FMR1NB: variants seen among roughly 807,000 people sequenced by gnomAD.
FMR1NB encodes FMR1 neighbor protein.
Under a neutral mutation model 16.8 loss-of-function variants are expected in FMR1NB, and 10 were observed. The observed-to-expected ratio is 0.60, with a 90% CI of 0.37 to 1.01. The LOEUF is 1.01. Ranked by LOEUF, FMR1NB falls within the 50% of genes least tolerant of loss-of-function variation. The pLI, the probability that FMR1NB is intolerant of heterozygous loss-of-function variation, is 0.01. For synonymous variants in FMR1NB, 83 were observed against 79.1 expected, an observed-to-expected ratio of 1.05 and a Z score of -0.26; for missense variants, 205 against 204.8, an observed-to-expected ratio of 1.00 and a Z score of 0.00.
intron 1 of FMR1NB, among the ~76,000 whole-genome samples, chrX:147,999,857 G>A (rs1487592051): frequency 9.0e-6 from 1 of 111,712 alleles, no homozygotes; most frequent in Non-Finnish European, 1.9e-5. Context: ...ATATAGTGAA[G>A]ATAAAATTGT....
At position 147,981,338 on chromosome X, in the gene FMR1NB, T is replaced by G; in HGVS notation, c.-65T>G. ...GGCCACGGACTGCCCCGGAAGCTTC[T>G]GGGCCACGGACTGCCGGACCGTTGG... On this transcript the variant is annotated 5_prime_UTR_variant, in exon 1 of 6. Coordinates refer to ENST00000370467, the MANE Select transcript of FMR1NB (RefSeq NM_152578.3). The G allele has an allele frequency of 8.7e-7, 1 of 1,149,074 alleles. No individual in the cohort carries two copies. 94.7% of individuals were successfully genotyped at this position (1,149,074 alleles called of 1,213,427 possible).
rs1467008531 is a variant in FMR1NB at position 148,024,805 on chromosome X, C to T, written c.633-60C>T. The T allele has an allele frequency of 2.8e-5, 33 of 1,163,037 alleles. No individual in the cohort carries two copies. The Admixed American group carries it at 4.7e-4, about 17-fold the overall frequency. ...CAAATATTTTTTTCCTTATAACCCTCCCATTGTTATTCTATCACTAATGAG... is the reference window on the plus strand; with the variant it reads ...CAAATATTTTTTTCCTTATAACCCTTCCATTGTTATTCTATCACTAATGAG... On this transcript the variant is annotated intron_variant, in intron 4 of 5. Coordinates refer to ENST00000370467, the MANE Select transcript of FMR1NB (RefSeq NM_152578.3).
intron 1 of FMR1NB, 47 bp downstream of exon 1, chrX:147,981,726 G>T: frequency 1.0e-6 from 1 of 1,002,693 alleles, no homozygotes. Context: ...GGGAGGGGGA[G>T]GGGGAGGGAG....
chrX:148,014,727 C>T (rs1426695556), intron 4 of FMR1NB, among the ~76,000 whole-genome samples: 2 of 111,586 alleles, frequency 1.8e-5, no homozygotes, highest in Admixed American at 9.5e-5. Flanking sequence ...TTACTGCAGC[C>T]TCGACTTCCC....
chrX:148,009,831 C>T (rs1160157320), intron 4 of FMR1NB, among the ~76,000 whole-genome samples: 1 of 112,235 alleles, frequency 8.9e-6, no homozygotes, highest in Non-Finnish European at 1.9e-5. Flanking sequence ...AGACTATATA[C>T]ACTGCCTTAC....
In FMR1NB at chrX:148,003,219, T is replaced by C. The variant is rs782816671; in HGVS notation, c.296T>C (p.Leu99Pro). Residue 99 changes from leucine to proline, a missense_variant, in exon 2 of 6, where the codon CTT (leucine) becomes CCT (proline). Leu to Pro is a moderately conservative substitution (Grantham distance 98). Coordinates refer to ENST00000370467, the MANE Select transcript of FMR1NB (RefSeq NM_152578.3). ...YLCSGSSYFV[L>P]ANGHILPNSE... ...TCTTAAGGGTCCTCATATTTTGTGC[T>C]TGCAAATGGACATATCCTGCCCAAC... The C allele has an allele frequency of 8.3e-7, 1 of 1,209,435 alleles. No individual in the cohort carries two copies. Among genetic ancestry groups the C allele is most frequent in the South Asian group, 1.8e-5 (1 of 56,493 alleles).
chrX:148,014,778 A>G (rs888623590), intron 4 of FMR1NB, among the ~76,000 whole-genome samples: 38 of 110,566 alleles, frequency 3.4e-4, no homozygotes, highest in African/African-American at 1.1e-3. Flanking sequence ...CCGAGTACCC[A>G]GGACCACAGG....
At chrX:148,016,564 G>A (rs1455563596) in intron 4 of FMR1NB, among the ~76,000 whole-genome samples, 2 of 111,442 alleles carry the variant, frequency 1.8e-5, no homozygotes, top group Non-Finnish European at 3.8e-5. Context: ...TCTAGTGAAG[G>A]TGACTTTCTC....
chrX:147,991,848 TTGG>T (rs2044507182), intron 1 of FMR1NB, among the ~76,000 whole-genome samples: 1 of 105,705 alleles, frequency 9.5e-6, no homozygotes, highest in Non-Finnish European at 1.9e-5. Flanking sequence ...AGATTAGGGA[TTGG>T]TGATGACTCT....
intron 1 of FMR1NB, among the ~76,000 whole-genome samples, chrX:147,992,349 A>C (rs1603072873): frequency 3.6e-5 from 2 of 56,014 alleles, no homozygotes; most frequent in African/African-American, 7.4e-5. Flanking sequence ...CTGACCCCCC[A>C]CCTCCCTCCC....
At chrX:148,007,214 TTTGTC>T (rs782500502) in intron 3 of FMR1NB, among the ~76,000 whole-genome samples, 3 of 112,392 alleles carry the variant, frequency 2.7e-5, no homozygotes, top group Non-Finnish European at 5.6e-5. Flanking sequence ...ATTCTTCCCA[TTTGTC>T]TTGTCTTCAT....
intron 4 of FMR1NB, among the ~76,000 whole-genome samples, chrX:148,009,740 A>T (rs1449269499): frequency 9.0e-6 from 1 of 111,530 alleles, no homozygotes; most frequent in South Asian, 3.7e-4. Flanking sequence ...AAGGTTAAGC[A>T]TGTTTTATGT....
intron 4 of FMR1NB, among the ~76,000 whole-genome samples, chrX:148,012,200 C>T (rs1163447762): frequency 8.8e-4 from 3 of 3,426 alleles, no homozygotes; most frequent in Admixed American, 0.011. Flanking sequence ...AGGGAGGTGG[C>T]TGAATTGTTC....
intron 3 of FMR1NB, among the ~76,000 whole-genome samples, chrX:148,007,091 G>A (rs191987839): frequency 9.0e-6 from 1 of 111,600 alleles, no homozygotes; most frequent in Admixed American, 9.5e-5. Flanking sequence ...GTCACTCTCT[G>A]TGTTTTGTCC....
intron 4 of FMR1NB, among the ~76,000 whole-genome samples, chrX:148,018,014 C>G (rs1453601966): frequency 9.7e-6 from 1 of 102,751 alleles, no homozygotes; most frequent in African/African-American, 3.6e-5. Flanking sequence ...GTGCATGTGT[C>G]TTTATAGCAG....
intron 1 of FMR1NB, among the ~76,000 whole-genome samples, chrX:147,998,774 T>C (rs1226045770): frequency 8.9e-6 from 1 of 112,459 alleles, no homozygotes; most frequent in Non-Finnish European, 1.9e-5. Flanking sequence ...AAAATTCTTA[T>C]GTACTACTAG....
intron 3 of FMR1NB, among the ~76,000 whole-genome samples, 157 bp downstream of exon 3, chrX:148,006,999 C>G (rs1557189188): frequency 8.9e-6 from 1 of 112,362 alleles, no homozygotes; most frequent in Non-Finnish European, 1.9e-5. Context: ...GGTCATGACT[C>G]TGGTCAGGAG....
At chrX:148,003,035 T>G (rs1429712901) in intron 1 of FMR1NB, among the ~76,000 whole-genome samples, 166 bp from the exon 2 acceptor site, 2 of 112,538 alleles carry the variant, frequency 1.8e-5, no homozygotes, top group Admixed American at 1.9e-4. Flanking sequence ...ACAACAAAAT[T>G]GCATTCTGAT....
chrX:148,011,039 G>T (rs1193975841), intron 4 of FMR1NB, among the ~76,000 whole-genome samples: 9 of 110,932 alleles, frequency 8.1e-5, no homozygotes, highest in African/African-American at 3.0e-4. Flanking sequence ...GCCAAGGCGG[G>T]CAGATCACGA....
Sources: allele counts gnomAD v4.1 joint callset (sites outside exome capture counted in the v4.1 genomes callset), GRCh38; gene constraint gnomAD v4.1.1; transcripts MANE v1.5; gene names NCBI Gene and HGNC (gene_info 2026-07-23, HGNC 2026-07-21).